SEMA5A: variants seen among roughly 807,000 people sequenced by gnomAD.
SEMA5A encodes the protein semaphorin 5A.
A neutral mutation model predicts 135.5 loss-of-function variants in SEMA5A; 55 were observed. The ratio of observed to expected loss-of-function variants is 0.41; its 90% CI spans 0.33 to 0.51. The LOEUF is 0.51. SEMA5A is among the 20% of genes least tolerant of loss of function. SEMA5A has a pLI of 0.37. For synonymous variants in SEMA5A, 580 were observed against 546.5 expected (o/e 1.06, Z -0.85); for missense variants, 1,290 against 1,419.9 (o/e 0.91, Z 1.47).
chr5:9,043,915 G>T (rs1000204428), intron 22 of SEMA5A, among the ~76,000 whole-genome samples: 12 of 152,186 alleles, frequency 7.9e-5, no homozygotes, highest in African/African-American at 2.4e-4. Context: ...AGATCCAAAT[G>T]TTTGTTTTGA....
chr5:9,254,217 G>T (rs1748945514), intron 5 of SEMA5A, among the ~76,000 whole-genome samples: 1 of 152,146 alleles, frequency 6.6e-6, no homozygotes, highest in South Asian at 2.1e-4. Flanking sequence ...CTTTTCTAAA[G>T]CCTGCTGTAT....
At position 9,337,672 on chromosome 5, in the gene SEMA5A, G is replaced by A. The variant is rs767333691; in HGVS notation, c.224+41C>T. On this transcript the variant is annotated intron_variant, in intron 4 of 22. Transcript: ENST00000382496. ...TGTAACTGCACAGATGTAAAATGAA[G>A]TCCAAAAATATCTGTGGTGGCAAAA... 5 of 1,382,490 alleles carry A rather than the reference G, an allele frequency of 3.6e-6. No individual in the cohort carries two copies. In the African/African-American group the frequency reaches 7.1e-5, roughly 20 times the overall value. The allele number at this position is 1,382,490 out of a possible 1,614,324, so 85.6% of individuals were successfully genotyped here. A position where few individuals can be genotyped will look rare whatever the true frequency, so the allele number is the denominator to read the frequency against.
At chr5:9,491,330 C>T (rs1471621142) in intron 1 of SEMA5A, among the ~76,000 whole-genome samples, 4 of 152,118 alleles carry the variant, frequency 2.6e-5, no homozygotes, top group African/African-American at 4.8e-5. Flanking sequence ...CATGTCATTA[C>T]ACATTTGTCC....
At position 9,297,408 on chromosome 5, in the gene SEMA5A, A is replaced by T. The variant is rs572673551; in HGVS notation, c.270+20964T>A. 8.5e-5 allele frequency among the ~76,000 whole-genome samples: 13 copies of T among 152,260 alleles called. No individual in the cohort carries two copies. In the East Asian group the frequency reaches 2.5e-3, roughly 29 times the overall value. The stretch of plus-strand genomic sequence containing the variant: ...ACGAGGGTGACACCTTCTGATTGAG[A>T]TTAGTGCCCTGATAAAAAAGGAATC... On this transcript the variant is annotated intron_variant, in intron 5 of 22. Coordinates refer to ENST00000382496, the MANE Select transcript of SEMA5A (RefSeq NM_003966.3).
chr5:9,196,524 G>A (rs6555594), intron 10 of SEMA5A, among the ~76,000 whole-genome samples: 42,528 of 152,010 alleles, frequency 0.28, 6,882 homozygotes, highest in Admixed American at 0.43. Context: ...GTTTTCTTAC[G>A]GTAGTCCAAA....
Position 9,514,914 on chromosome 5 carries a change from T to C in SEMA5A, c.-175+30670A>G, listed in dbSNP as rs750056215. ...TCAGCTCCATGCATCATTAACCTTA[T>C]GGATAAAAAATTGTGGGGTGGGATC... On this transcript the variant is annotated intron_variant, in intron 1 of 22. Transcript: ENST00000382496. Among the ~76,000 whole-genome samples the C allele has an allele frequency of 1.4e-4, 21 of 152,350 alleles. 1 individual carries two copies. The highest frequency in any genetic ancestry group is 7.2e-4 in the Admixed American group (11 of 15,290).
intron 16 of SEMA5A, among the ~76,000 whole-genome samples, chr5:9,107,438 T>C (rs960691336): frequency 6.6e-6 from 1 of 152,156 alleles, no homozygotes; most frequent in African/African-American, 2.4e-5. Context: ...TGGCTCCATA[T>C]AGTTTCTCAG....
intron 16 of SEMA5A, among the ~76,000 whole-genome samples, chr5:9,078,037 A>C (rs1391878119): frequency 6.6e-6 from 1 of 152,210 alleles, no homozygotes; most frequent in Admixed American, 6.5e-5. Flanking sequence ...ATTTGTGGGC[A>C]TTTTGCTTCC....
At chr5:9,529,108 A>C (rs1040009227) in intron 1 of SEMA5A, among the ~76,000 whole-genome samples, 1 of 152,218 alleles carries the variant, frequency 6.6e-6, no homozygotes, top group Non-Finnish European at 1.5e-5. Flanking sequence ...TATGACCACA[A>C]GTCACTCCTT....
chr5:9,164,317 T>C (rs1209877963), intron 11 of SEMA5A, among the ~76,000 whole-genome samples: 2 of 146,678 alleles, frequency 1.4e-5, no homozygotes, highest in East Asian at 3.9e-4. Context: ...ATAATATAAA[T>C]ATGTCAAGAG....
Position 9,042,680 on chromosome 5 carries a change from C to T in SEMA5A, c.*217G>A, listed in dbSNP as rs1044066139. 5.7e-6 allele frequency: 3 copies of T among 529,196 alleles called. No homozygotes were observed. The highest frequency in any genetic ancestry group is 9.9e-6 in the Non-Finnish European group (3 of 303,158). 32.8% of individuals were successfully genotyped at this position (529,196 alleles called of 1,614,324 possible). The stretch of plus-strand genomic sequence containing the variant: ...CACAATTAAAAACTTCACACCCTGG[C>T]TCATTCAACAATGGTCAAGATTTTC... On this transcript the variant is annotated 3_prime_UTR_variant, in exon 23 of 23. Transcript: ENST00000382496.
intron 4 of SEMA5A, among the ~76,000 whole-genome samples, chr5:9,320,318 C>A (rs1025143020): frequency 6.6e-6 from 1 of 152,254 alleles, no homozygotes; most frequent in South Asian, 2.1e-4. Flanking sequence ...ATGCTACAGC[C>A]CTCTATGTAG....
chr5:9,408,594 G>T (rs74458652), intron 2 of SEMA5A, among the ~76,000 whole-genome samples: 2 of 152,128 alleles, frequency 1.3e-5, no homozygotes, highest in African/African-American at 2.4e-5. Flanking sequence ...GTAGGTGCAG[G>T]CATGGTACTA....
chr5:9,171,995 G>A (rs1343764090), intron 11 of SEMA5A, among the ~76,000 whole-genome samples: 1 of 152,164 alleles, frequency 6.6e-6, no homozygotes, highest in African/African-American at 2.4e-5. Context: ...TGGGTGAAAG[G>A]TCAGAGCTGA....
In SEMA5A at chr5:9,501,558, G is replaced by A. The variant is rs556527829; in HGVS notation, c.-175+44026C>T. Among the ~76,000 whole-genome samples, 29 of 152,316 alleles carry A rather than the reference G, an allele frequency of 1.9e-4. No individual in the cohort carries two copies. The South Asian group carries it at 4.1e-3, about 22-fold the overall frequency. On this transcript the variant is annotated intron_variant, in intron 1 of 22. Coordinates refer to ENST00000382496, the MANE Select transcript of SEMA5A (RefSeq NM_003966.3). ...CAATGGAGGAGTTCAGAAACATGAA[G>A]TAGATGCTGATGTTAGCCATATCCC...
intron 3 of SEMA5A, among the ~76,000 whole-genome samples, chr5:9,346,200 G>C (rs2150739231): frequency 6.6e-6 from 1 of 152,268 alleles, no homozygotes; most frequent in East Asian, 1.9e-4. Context: ...CTTGACTTCA[G>C]AGGGACAGTT....
intron 1 of SEMA5A, among the ~76,000 whole-genome samples, chr5:9,438,880 AGCAGCTGGAAATTTATAAAAT>A (rs907263009): frequency 6.6e-6 from 1 of 152,240 alleles, no homozygotes; most frequent in African/African-American, 2.4e-5. Context: ...ACTGAACGAC[AGCAGCTGGAAATTTATAAAAT>A]GTTATACCTG....
chr5:9,127,719 GA>G (rs891327973), intron 13 of SEMA5A, among the ~76,000 whole-genome samples: 2 of 152,158 alleles, frequency 1.3e-5, no homozygotes, highest in African/African-American at 4.8e-5. Context: ...TGACATGGCA[GA>G]ATTGGGACAA....
chr5:9,407,692 C>G (rs1441647035), intron 2 of SEMA5A, among the ~76,000 whole-genome samples: 1 of 152,166 alleles, frequency 6.6e-6, no homozygotes, highest in African/African-American at 2.4e-5. Flanking sequence ...AGAATAAAAT[C>G]TTCCTCAGTC....
Sources: allele counts gnomAD v4.1 joint callset (sites outside exome capture counted in the v4.1 genomes callset), GRCh38; gene constraint gnomAD v4.1.1; transcripts MANE v1.5; gene names NCBI Gene and HGNC (gene_info 2026-07-23, HGNC 2026-07-21).